The following CDCA8 variants were observed in gnomAD, a reference collection of about 807,000 sequenced individuals.
CDCA8 encodes borealin.
In CDCA8, 25 loss-of-function variants were observed where a neutral mutation model predicts 40.0. The observed-to-expected ratio is 0.63, with a 90% confidence interval of 0.46 to 0.87. CDCA8 has a LOEUF of 0.87. Ranked by LOEUF, CDCA8 falls within the 40% of genes least tolerant of loss-of-function variation. The pLI, the probability that CDCA8 is intolerant of heterozygous loss-of-function variation, is 0.00. For synonymous variants in CDCA8, 111 were observed against 126.5 expected (o/e 0.88, Z 0.82); for missense variants, 280 against 348.4 (o/e 0.80, Z 1.56).
intron 4 of CDCA8, among the ~76,000 whole-genome samples, chr1:37,699,581 AGAAAGAAAGGAAAGGAAAGGAAAG>A (rs1231986692): frequency 4.4e-5 from 6 of 137,786 alleles, no homozygotes; most frequent in East Asian, 4.1e-4. Flanking sequence ...AAAAAAAGAA[AGAAAGAAAGGAAAGGAAAGGAAAG>A]GAAAGGAAAG....
At position 37,692,950 on chromosome 1, in the gene CDCA8, T is replaced by G; in HGVS notation, c.140T>G (p.Leu47Arg). 1 of 1,614,074 alleles carries G rather than the reference T, an allele frequency of 6.2e-7. No homozygotes were observed. Among genetic ancestry groups the G allele is most frequent in the Non-Finnish European group, 8.5e-7 (1 of 1,180,028 alleles). ...KQIESDRQNL[L>R]KEVDNLYNIE... ...ATTGAGTCAGACAGGCAGAACCTCCTCAAGGAGGTGGATAACCTCTACAAC... is the reference window on the plus strand; with the variant it reads ...ATTGAGTCAGACAGGCAGAACCTCCGCAAGGAGGTGGATAACCTCTACAAC... Residue 47 changes from leucine to arginine, a missense_variant, in exon 2 of 10, where the codon CTC becomes CGC. Transcript: ENST00000373055.
chr1:37,700,175 C>CCAGGGCACGCTCTACAGTAGG (rs1645554428), intron 4 of CDCA8, among the ~76,000 whole-genome samples: 1 of 152,154 alleles, frequency 6.6e-6, no homozygotes, highest in African/African-American at 2.4e-5. Context: ...GGGCTACACA[C>CCAGGGCACGCTCTACAGTAGG]CAGGGCACGC....
chr1:37,704,416 CTG>C (rs988363636), intron 7 of CDCA8, among the ~76,000 whole-genome samples: 5 of 152,170 alleles, frequency 3.3e-5, no homozygotes, highest in Non-Finnish European at 7.3e-5. Flanking sequence ...AAGACTGGAT[CTG>C]TGTGTGCTGA....
chr1:37,696,161 A>G lies in CDCA8; in HGVS notation c.264+211A>G, dbSNP rs1310982719. 6.6e-6 allele frequency among the ~76,000 whole-genome samples: 1 copy of G among 152,182 alleles called. No individual in the cohort carries two copies. Among genetic ancestry groups the G allele is most frequent in the Non-Finnish European group, 1.5e-5 (1 of 68,034 alleles). On this transcript the variant is annotated intron_variant, in intron 3 of 9. Transcript: ENST00000373055. The surrounding 1 kb of genome is among the most constrained non-coding windows in gnomAD (Gnocchi z 5.0). ...GAAGGTGGCAGTTCTGTTTTTGACCAATTTCTTGCAGTCCTTTGTTCTGAA... is the reference window on the plus strand; with the variant it reads ...GAAGGTGGCAGTTCTGTTTTTGACCGATTTCTTGCAGTCCTTTGTTCTGAA...
chr1:37,698,531 T>C (rs1482646537), intron 3 of CDCA8, among the ~76,000 whole-genome samples: 1 of 152,242 alleles, frequency 6.6e-6, no homozygotes, highest in African/African-American at 2.4e-5. Context: ...AAAAAGCACA[T>C]CTGTGTGTGC....
intron 9 of CDCA8, 138 bp from the exon 10 acceptor site, chr1:37,708,184 A>G (rs1011382060): frequency 2.7e-6 from 2 of 738,612 alleles, no homozygotes; most frequent in Non-Finnish European, 2.4e-6. Flanking sequence ...CCTTGTTCAG[A>G]TGAGAAACAG....
chr1:37,701,962 C>T, intron 6 of CDCA8, 144 bp downstream of exon 6: 2 of 612,974 alleles, frequency 3.3e-6, no homozygotes, highest in Non-Finnish European at 5.8e-6. Context: ...AGTATCCAAG[C>T]TGGAGGGGTC....
At chr1:37,694,283 C>A (rs1645512010) in intron 2 of CDCA8, among the ~76,000 whole-genome samples, 1 of 152,214 alleles carries the variant, frequency 6.6e-6, no homozygotes, top group Non-Finnish European at 1.5e-5. Flanking sequence ...TATTAACTAT[C>A]CAGCATGTAG....
In CDCA8 at chr1:37,706,337, ACCTCAGGTGATCCACACACCTCAG is replaced by A. The variant is rs765710681; in HGVS notation, c.712-636_712-613del. 7.3e-4 allele frequency among the ~76,000 whole-genome samples: 110 copies of A among 151,330 alleles called. 1 individual carries two copies. The highest frequency in any genetic ancestry group is 1.1e-3 in the Non-Finnish European group (77 of 67,812). ...TGGTCAAGCTGGTCTCAAACTCCTGACCTCAGGTGATCCACACACCTCAGCCTCCCAAGGTGCTGGGATTACAGG... is the reference window on the plus strand; with the variant it reads ...TGGTCAAGCTGGTCTCAAACTCCTGACCTCCCAAGGTGCTGGGATTACAGG... On this transcript the variant is annotated intron_variant, in intron 8 of 9. Transcript: ENST00000373055.
chr1:37,705,468 T>C lies in CDCA8; in HGVS notation c.612T>C (p.Thr204=). The stretch of plus-strand genomic sequence containing the variant: ...TCTTCAAGACCCCTGGCCTGCGTAC[T>C]CCAGCAGCAGGAGAGCGGATTTACA... ...SRVFKTPGLR[T]PAAGERIYNI... The change falls in exon 8 of 10, where the codon ACT becomes ACC. Residue 204 remains threonine, a synonymous_variant. Transcript: ENST00000373055. 6.2e-7 allele frequency: 1 copy of C among 1,613,992 alleles called. No homozygotes were observed. Among genetic ancestry groups the C allele is most frequent in the Non-Finnish European group, 8.5e-7 (1 of 1,179,932 alleles).
Position 37,706,087 on chromosome 1 carries a change from G to A in CDCA8, c.711+520G>A, listed in dbSNP as rs1340584818. Among the ~76,000 whole-genome samples, 8 of 148,310 alleles carry A rather than the reference G, an allele frequency of 5.4e-5. No individual in the cohort carries two copies. The East Asian group carries it at 6.0e-4, about 11-fold the overall frequency. ...GCGTCCCAAAGTGCTGGGATTACAG[G>A]CATGAGCCACCGTGCCCACCTTTTT... On this transcript the variant is annotated intron_variant, in intron 8 of 9. Coordinates refer to ENST00000373055, the MANE Select transcript of CDCA8 (RefSeq NM_001256875.2).
intron 2 of CDCA8, 72 bp from the exon 3 acceptor site, chr1:37,695,838 A>G (rs368300654): frequency 2.7e-5 from 38 of 1,388,804 alleles, no homozygotes; most frequent in Non-Finnish European, 3.4e-5. Flanking sequence ...AGTTTTAGAA[A>G]GATAAATGGT....
chr1:37,699,232 T>G (rs1203452769), intron 4 of CDCA8, among the ~76,000 whole-genome samples: 1 of 151,936 alleles, frequency 6.6e-6, no homozygotes, highest in East Asian at 1.9e-4. Context: ...GTGTGCGAGC[T>G]AAAATGAAAG....
chr1:37,701,842 G>A (rs1235892129), intron 6 of CDCA8, 24 bp downstream of exon 6: 8 of 1,587,762 alleles, frequency 5.0e-6, no homozygotes, highest in South Asian at 1.1e-5. Flanking sequence ...TAAAGTTGTG[G>A]TGTTTTGGGT....
rs1417434241 is a variant in CDCA8 at position 37,708,720 on chromosome 1, T to G, written c.*354T>G. On this transcript the variant is annotated 3_prime_UTR_variant, in exon 10 of 10. Coordinates refer to ENST00000373055, the MANE Select transcript of CDCA8 (RefSeq NM_001256875.2). Reference sequence around the variant, plus strand: ...CAGTTGAGGGGGCGAAGAAGAACCCTGTGTTCTCAGGAAGACTGCCTCCAC... The same window carrying G: ...CAGTTGAGGGGGCGAAGAAGAACCCGGTGTTCTCAGGAAGACTGCCTCCAC... The G allele has an allele frequency of 3.5e-5, 11 of 312,026 alleles. No homozygotes were observed. In the East Asian group the frequency reaches 7.0e-4, roughly 20 times the overall value. The allele number at this position is 312,026 out of a possible 1,614,324, so 19.3% of individuals were successfully genotyped here.
intron 7 of CDCA8, 104 bp from the exon 8 acceptor site, chr1:37,705,337 G>T: frequency 8.1e-6 from 8 of 987,852 alleles, no homozygotes; most frequent in South Asian, 1.8e-5. Flanking sequence ...AGGAATGTAT[G>T]ACTTAAAAAC....
At chr1:37,695,044 C>T (rs934220399) in intron 2 of CDCA8, among the ~76,000 whole-genome samples, 23 of 152,088 alleles carry the variant, frequency 1.5e-4, no homozygotes, top group African/African-American at 5.6e-4. Flanking sequence ...CACTTTGCAG[C>T]AAACTGCTGA....
rs903670318 is a variant in CDCA8, at chr1:37,696,431, G to A, written c.264+481G>A. 2.7e-4 allele frequency among the ~76,000 whole-genome samples: 41 copies of A among 152,188 alleles called. No homozygotes were observed. Among genetic ancestry groups the A allele is most frequent in the Non-Finnish European group, 2.4e-4 (16 of 68,040 alleles). ...AGCATTTAAAGCTGCACTGTCCAGTGTAGTAGCCACTGGGCATATGTAGCT... is the reference window on the plus strand; with the variant it reads ...AGCATTTAAAGCTGCACTGTCCAGTATAGTAGCCACTGGGCATATGTAGCT... On this transcript the variant is annotated intron_variant, in intron 3 of 9. Coordinates refer to ENST00000373055, the MANE Select transcript of CDCA8 (RefSeq NM_001256875.2). The surrounding 1 kb of genome is among the most constrained non-coding windows in gnomAD (Gnocchi z 5.0).
chr1:37,707,059 C>T lies in CDCA8; in HGVS notation c.793C>T (p.Leu265Phe). 1 of 1,613,296 alleles carries T rather than the reference C, an allele frequency of 6.2e-7. No individual in the cohort carries two copies. The highest frequency in any genetic ancestry group is 1.1e-5 in the South Asian group (1 of 91,070). Residue 265 changes from leucine to phenylalanine, a missense_variant, in exon 9 of 10, where the codon CTC (leucine) becomes TTC (phenylalanine). Coordinates refer to ENST00000373055, the MANE Select transcript of CDCA8 (RefSeq NM_001256875.2). ...DPEALGNIKK[L>F]SNRLAQICSS... ...AGAGGCCTTGGGAAACATTAAGAAG[C>T]TCTCCGTAAGTCTCATATTCATCTC...
Sources: gnomAD v4.1 joint callset for allele counts (sites outside exome capture counted in the v4.1 genomes callset) on GRCh38, gnomAD v4.1.1 for gene constraint, Gnocchi (gnomAD v3.1) non-coding constraint, MANE v1.5 for transcripts, NCBI Gene and HGNC (gene_info 2026-07-23, HGNC 2026-07-21) for gene names.